GDPD3: variants seen among roughly 807,000 people sequenced by gnomAD.
GDPD3 encodes lysophospholipase D GDPD3.
A neutral mutation model predicts 43.7 loss-of-function variants in GDPD3; 40 were observed. The ratio of observed to expected loss-of-function variants is 0.91; its 90% CI spans 0.71 to 1.19. GDPD3 has a LOEUF of 1.19. Among genes scored for constraint, GDPD3 ranks in the 50% most tolerant of loss-of-function variants. The pLI is 0.00. For missense variants in GDPD3, 363 were observed against 415.8 expected (o/e 0.87, Z 1.11); for synonymous variants, 145 against 162.9 (o/e 0.89, Z 0.84).
At chr16:30,108,045 G>A in intron 9 of GDPD3, 168 bp downstream of exon 9, 1 of 586,802 alleles carries the variant, frequency 1.7e-6, no homozygotes. Flanking sequence ...GTGTTCGTGT[G>A]TGTGTGTGTG....
chr16:30,109,514 C>CA (rs888391411), intron 7 of GDPD3, among the ~76,000 whole-genome samples: 3 of 149,618 alleles, frequency 2.0e-5, no homozygotes, highest in Non-Finnish European at 3.0e-5. Flanking sequence ...TTCTCAAAAA[C>CA]AAAAAACAAT....
rs376457527 is a variant in GDPD3, at chr16:30,112,179, T to G, written c.526A>C (p.Ile176Leu). Residue 176 changes from isoleucine to leucine, a missense_variant, in exon 6 of 10, where the codon ATC becomes CTC. Coordinates refer to ENST00000406256, the MANE Select transcript of GDPD3 (RefSeq NM_024307.3). This position sits in a 1 kb window ranked among gnomAD's most constrained non-coding sequence, Gnocchi z 5.4. Reference protein sequence around the residue: ...VRRYDRNEITIWASEKSSVMK... With the variant: ...VRRYDRNEITLWASEKSSVMK... ...ACCGAGCTCTTCTCCGAGGCCCAGA[T>G]GGTGATTTCATTACGGTCATAGCGT... 2.5e-6 allele frequency: 4 copies of G among 1,613,964 alleles called. No homozygotes were observed. Among genetic ancestry groups the G allele is most frequent in the Non-Finnish European group, 2.5e-6 (3 of 1,180,010 alleles).
rs535400359 is a variant in GDPD3, at chr16:30,112,876, A to G, written c.183-83T>C. The G allele has an allele frequency of 1.3e-6, 2 of 1,549,876 alleles. No homozygotes were observed. Among genetic ancestry groups the G allele is most frequent in the East Asian group, 4.5e-5 (2 of 44,422 alleles). ...TGGCTGGGAGGTGGCCGGGAATGTG[A>G]GAGCGGAGTTCGTGGCGGGATGTGC... On this transcript the variant is annotated intron_variant, in intron 2 of 9. Transcript: ENST00000406256. This position sits in a 1 kb window ranked among gnomAD's most constrained non-coding sequence, Gnocchi z 5.4.
Position 30,112,270 on chromosome 16 carries a change from C to T in GDPD3, c.483+36G>A, listed in dbSNP as rs551696947. ...AGGGAGAGCCAGGCCTCTCTCACGC[C>T]CCCGGTGGCCGCCCTAGCCCTGCCT... is the stretch of plus-strand genomic sequence containing the variant. On this transcript the variant is annotated intron_variant, in intron 5 of 9. Coordinates refer to ENST00000406256, the MANE Select transcript of GDPD3 (RefSeq NM_024307.3). This position sits in a 1 kb window ranked among gnomAD's most constrained non-coding sequence, Gnocchi z 5.4. The T allele has an allele frequency of 3.1e-5, 50 of 1,613,248 alleles. 1 individual carries two copies. In the South Asian group the frequency reaches 5.3e-4, roughly 17 times the overall value.
In GDPD3 at chr16:30,108,370, C is replaced by T. The variant is rs779749501; in HGVS notation, c.767+3G>A. ...CGCCACCCAGCCATCTTGCCCACCT[C>T]ACCATTTCGAAACCACAGCCAATAA... On this transcript the variant is annotated splice_donor_region_variant and intron_variant, in intron 8 of 9. Coordinates refer to ENST00000406256, the MANE Select transcript of GDPD3 (RefSeq NM_024307.3). The T allele has an allele frequency of 1.4e-5, 23 of 1,613,984 alleles. No homozygotes were observed. Among genetic ancestry groups the T allele is most frequent in the Non-Finnish European group, 1.9e-5 (22 of 1,179,986 alleles).
Position 30,108,276 on chromosome 16 carries a change from G to C in GDPD3, c.768-12C>G, listed in dbSNP as rs773761647. The C allele has an allele frequency of 6.2e-7, 1 of 1,612,814 alleles. No individual in the cohort carries two copies. The highest frequency in any genetic ancestry group is 8.5e-7 in the Non-Finnish European group (1 of 1,179,356). ...TCCTCATGATCAGCCTGGGGGTGGGGTGGGGACGTGGGAGGTGATGATGAG... is the reference window on the plus strand; with the variant it reads ...TCCTCATGATCAGCCTGGGGGTGGGCTGGGGACGTGGGAGGTGATGATGAG... On this transcript the variant is annotated splice_polypyrimidine_tract_variant and intron_variant, in intron 8 of 9. Transcript: ENST00000406256.
chr16:30,111,295 A>AGGGGAGCT (rs1262207289), intron 7 of GDPD3, 93 bp downstream of exon 7: 78 of 1,413,794 alleles, frequency 5.5e-5, no homozygotes, highest in African/African-American at 7.2e-5. Context: ...GTTATCTCTG[A>AGGGGAGCT]GGGGAGCTGG....
At position 30,108,372 on chromosome 16, in the gene GDPD3, C is replaced by T. The variant is rs1380603244; in HGVS notation, c.767+1G>A. 1 of 1,613,978 alleles carries T rather than the reference C, an allele frequency of 6.2e-7. No individual in the cohort carries two copies. Among genetic ancestry groups the T allele is most frequent in the East Asian group, 2.2e-5 (1 of 44,840 alleles). Reference sequence around the variant, plus strand: ...CCACCCAGCCATCTTGCCCACCTCACCATTTCGAAACCACAGCCAATAACT... The same window carrying T: ...CCACCCAGCCATCTTGCCCACCTCATCATTTCGAAACCACAGCCAATAACT... On this transcript the variant is annotated splice_donor_variant, in intron 8 of 9. Transcript: ENST00000406256. LOFTEE classifies it high-confidence loss of function.
At chr16:30,109,122 G>A (rs932905126) in intron 7 of GDPD3, among the ~76,000 whole-genome samples, 14 of 152,094 alleles carry the variant, frequency 9.2e-5, no homozygotes, top group African/African-American at 1.4e-4. Context: ...GAGCCACCGT[G>A]CCCGGCCATT....
At chr16:30,109,513 AC>A (rs2072885157) in intron 7 of GDPD3, among the ~76,000 whole-genome samples, 2 of 151,966 alleles carry the variant, frequency 1.3e-5, no homozygotes, top group African/African-American at 4.8e-5. Context: ...CTTCTCAAAA[AC>A]AAAAAACAAT....
At chr16:30,105,054 A>G (rs765878142) in intron 9 of GDPD3, 45 bp from the exon 10 acceptor site, 4 of 1,537,236 alleles carry the variant, frequency 2.6e-6, no homozygotes, top group Admixed American at 2.0e-5. Context: ...ACAATTTTAC[A>G]TCTGGAGAGT....
rs1187006106 is a variant in GDPD3 at position 30,112,737 on chromosome 16, CTGTCCCG to C, written c.232_238del (p.Arg78GlufsTer17). The C allele has an allele frequency of 1.9e-6, 3 of 1,613,362 alleles. No individual in the cohort carries two copies. The highest frequency in any genetic ancestry group is 2.5e-6 in the Non-Finnish European group (3 of 1,180,000). On this transcript the variant is annotated frameshift_variant, in exon 3 of 10. Transcript: ENST00000406256. LOFTEE classifies it high-confidence loss of function. This position sits in a 1 kb window ranked among gnomAD's most constrained non-coding sequence, Gnocchi z 5.4. ...CTCATCATGTGACACCACCACCACT[CTGTCCCG>C]TGTCAGCTGACAGTCGAGCTCCAGG...
Position 30,111,378 on chromosome 16 carries a change from C to T in GDPD3, c.707+10G>A. The T allele has an allele frequency of 3.7e-6, 6 of 1,613,508 alleles. No homozygotes were observed. The highest frequency in any genetic ancestry group is 3.3e-5 in the South Asian group (3 of 91,028). On this transcript the variant is annotated intron_variant, in intron 7 of 9. Coordinates refer to ENST00000406256, the MANE Select transcript of GDPD3 (RefSeq NM_024307.3). ...GGGGAGTTTTTCTGAGGTCCGCCCC[C>T]CACTGGTACCTGTTGATGATGTTGG... is the stretch of plus-strand genomic sequence containing the variant.
intron 9 of GDPD3, among the ~76,000 whole-genome samples, chr16:30,106,465 G>C (rs1481024845): frequency 6.6e-6 from 1 of 152,068 alleles, no homozygotes; most frequent in Non-Finnish European, 1.5e-5. Context: ...ACCTGCCCCA[G>C]CTCCTGCAGC....
chr16:30,110,247 G>A (rs879257170), intron 7 of GDPD3, among the ~76,000 whole-genome samples: 2 of 152,008 alleles, frequency 1.3e-5, no homozygotes, highest in Admixed American at 6.6e-5. Context: ...TGGCTAATAC[G>A]GTGAAACCCC....
chr16:30,105,511 T>C (rs1051223472), intron 9 of GDPD3, among the ~76,000 whole-genome samples: 7 of 151,252 alleles, frequency 4.6e-5, no homozygotes, highest in Admixed American at 6.6e-5. Flanking sequence ...TTTATTTATT[T>C]ATTTATTTTT....
Position 30,112,793 on chromosome 16 carries a change from G to C in GDPD3, c.183C>G (p.Asn61Lys). Reference protein sequence around the residue: ...LLENTMEAMENSMAQRSDLLE... With the variant: ...LLENTMEAMEKSMAQRSDLLE... ...GGAGGTCCGAGCGCTGGGCCATGGA[G>C]CTGTGGGGGTGAAGGTCAGCGGGGG... The change falls in exon 3 of 10, where the codon AAC becomes AAG. Residue 61 changes from asparagine (N) to lysine (K), a missense_variant and splice_region_variant. Physicochemically the swap from Asn to Lys is moderately conservative, Grantham distance 94. Transcript: ENST00000406256. The surrounding 1 kb of genome is among the most constrained non-coding windows in gnomAD (Gnocchi z 5.4). 6.2e-7 allele frequency: 1 copy of C among 1,607,638 alleles called. No individual in the cohort carries two copies. Among genetic ancestry groups the C allele is most frequent in the Non-Finnish European group, 8.5e-7 (1 of 1,179,776 alleles).
At position 30,113,341 on chromosome 16, in the gene GDPD3, T is replaced by C. The variant is rs749587036; in HGVS notation, c.138A>G (p.Gly46=). 21 of 1,598,082 alleles carry C rather than the reference T, an allele frequency of 1.3e-5. 1 individual carries two copies. The South Asian group carries it at 2.4e-4, about 18-fold the overall frequency. Residue 46 remains glycine (G), a splice_region_variant and synonymous_variant, in exon 1 of 10, where the codon GGA becomes GGG. Coordinates refer to ENST00000406256, the MANE Select transcript of GDPD3 (RefSeq NM_024307.3). The surrounding 1 kb of genome is among the most constrained non-coding windows in gnomAD (Gnocchi z 5.9). ...TGTTCTCACCCCTACCCGGCTCACC[T>C]CCTCGGTGGGCCCCCAGGCGGATGC... ...TFRIRLGAHR[G]GSGELLENTM... is the part of the protein sequence containing the mutation.
intron 9 of GDPD3, among the ~76,000 whole-genome samples, chr16:30,105,406 A>G (rs1036152023): frequency 6.6e-6 from 1 of 151,190 alleles, no homozygotes; most frequent in Non-Finnish European, 1.5e-5. Context: ...GCAGTGAGCT[A>G]TGGTTGCACC....
Sources: allele counts gnomAD v4.1 joint callset (sites outside exome capture counted in the v4.1 genomes callset), GRCh38; gene constraint gnomAD v4.1.1; non-coding constraint Gnocchi (gnomAD v3.1); transcripts MANE v1.5; gene names NCBI Gene and HGNC (gene_info 2026-07-23, HGNC 2026-07-21).